WASHC2C: variants seen among roughly 807,000 people sequenced by gnomAD.
WASHC2C encodes Vaccinia Penetration Factor.
WASHC2C carries 73 observed loss-of-function variants against 142.2 expected under a neutral mutation model. The ratio of observed to expected loss-of-function variants is 0.51; its 90% CI spans 0.43 to 0.62. WASHC2C has a LOEUF of 0.62. Ranked by LOEUF, WASHC2C falls within the 20% of genes least tolerant of loss-of-function variation. The pLI is 0.00. For synonymous variants in WASHC2C, 337 were observed against 565.5 expected (o/e 0.60, Z 5.73); for missense variants, 969 against 1,531.7 (o/e 0.63, Z 6.13).
upstream of WASHC2C, chr10:45,727,224 G>A (rs901920677): frequency 2.6e-6 from 4 of 1,511,954 alleles, no homozygotes; most frequent in Non-Finnish European, 3.5e-6. Flanking sequence ...GGCCGGTCAC[G>A]CCCCGGGCAG....
At chr10:45,727,249 G>A, upstream of WASHC2C, 3 of 1,532,668 alleles carry the variant, frequency 2.0e-6, no homozygotes, top group Non-Finnish European at 2.6e-6. Context: ...GCTGGGGCTA[G>A]GCTTCCGGGG....
chr10:45,777,080 C>G (rs2057155334), intron 21 of WASHC2C, among the ~76,000 whole-genome samples, 193 bp from the exon 22 acceptor site: 2 of 151,746 alleles, frequency 1.3e-5, no homozygotes, highest in African/African-American at 4.9e-5. Flanking sequence ...GTGAAGTGTC[C>G]TGTCCACAAG....
At chr10:45,758,752 C>T (rs1300111034) in intron 16 of WASHC2C, among the ~76,000 whole-genome samples, 3 of 151,140 alleles carry the variant, frequency 2.0e-5, no homozygotes, top group East Asian at 2.0e-4. Flanking sequence ...GGACTATATG[C>T]GTGCGCCACC....
rs1476341055 is a variant in WASHC2C, at chr10:45,774,788, A to C, written c.2142+1430A>C. Among the ~76,000 whole-genome samples the C allele has an allele frequency of 2.5e-5, 3 of 118,272 alleles. No individual in the cohort carries two copies. The Admixed American group carries it at 2.6e-4, about 10-fold the overall frequency. The allele number at this position is 118,272 out of a possible 152,430, so 77.6% of individuals were successfully genotyped here. A position where few individuals can be genotyped will look rare whatever the true frequency, so the allele number is the denominator to read the frequency against. ...TGCGTCCCAGAGTGGGCCACACGAGACACAGCATTTATACATTTCTGTTAT... is the reference window on the plus strand; with the variant it reads ...TGCGTCCCAGAGTGGGCCACACGAGCCACAGCATTTATACATTTCTGTTAT... On this transcript the variant is annotated intron_variant, in intron 21 of 30. Transcript: ENST00000623400.
intron 18 of WASHC2C, among the ~76,000 whole-genome samples, chr10:45,763,826 C>G (rs1307014884): frequency 6.6e-6 from 1 of 151,970 alleles, no homozygotes; most frequent in African/African-American, 2.4e-5. Context: ...CTCGACCTCC[C>G]AAGTAGCTGG....
chr10:45,766,069 G>T lies in WASHC2C; in HGVS notation c.1869+259G>T, dbSNP rs1330966667. 3.3e-4 allele frequency among the ~76,000 whole-genome samples: 51 copies of T among 152,284 alleles called. No individual in the cohort carries two copies. In the South Asian group the frequency reaches 8.7e-3, roughly 26 times the overall value. On this transcript the variant is annotated intron_variant, in intron 19 of 30. Transcript: ENST00000623400. ...CCTTCAAATGAGTTAGGCCGGCTAG[G>T]GGGGAAATGATTTCTCAGCCATCGC... is the stretch of plus-strand genomic sequence containing the variant.
Position 45,734,359 on chromosome 10 carries a change from C to CTGTGTGTG in WASHC2C, c.292-3604_292-3597dup, listed in dbSNP as rs139735516. ...TTTAACTTTAACCTTTTCTAGATGACTGTGTGTGTGTGTGTGTGTGTGTGT... is the reference window on the plus strand; with the variant it reads ...TTTAACTTTAACCTTTTCTAGATGACTGTGTGTGTGTGTGTGTGTGTGTGTGTGTGTGT... On this transcript the variant is annotated intron_variant, in intron 3 of 30. Coordinates refer to ENST00000623400, the MANE Select transcript of WASHC2C (RefSeq NM_001330074.2). 3.7e-3 allele frequency among the ~76,000 whole-genome samples: 551 copies of CTGTGTGTG among 148,150 alleles called. 9 individuals carry two copies. In the East Asian group the frequency reaches 0.044, roughly 12 times the overall value.
intron 28 of WASHC2C, 121 bp downstream of exon 28, chr10:45,787,368 C>T: frequency 1.3e-6 from 2 of 1,503,558 alleles, no homozygotes; most frequent in East Asian, 2.4e-5. Flanking sequence ...GGAGGTGCCT[C>T]ATCCTTCCTT....
chr10:45,769,978 C>T (rs1362614679), intron 20 of WASHC2C, among the ~76,000 whole-genome samples: 4 of 152,010 alleles, frequency 2.6e-5, no homozygotes, highest in African/African-American at 4.8e-5. Flanking sequence ...CGTTGGCTCA[C>T]GCCTGTAATC....
intron 20 of WASHC2C, among the ~76,000 whole-genome samples, chr10:45,770,429 G>A (rs200285288): frequency 0.023 from 3,403 of 149,066 alleles, 25 homozygotes; most frequent in East Asian, 0.046. Flanking sequence ...AGCGTGGGCT[G>A]TGGTTGGTAT....
chr10:45,727,615 C>A, intron 2 of WASHC2C, 76 bp downstream of exon 2: 2 of 1,467,514 alleles, frequency 1.4e-6, no homozygotes, highest in East Asian at 2.5e-5. Flanking sequence ...CGGACCGCGA[C>A]TGCCCCTGCA....
At chr10:45,727,360 G>C in intron 1 of WASHC2C, 40 bp downstream of exon 1, 1 of 1,602,682 alleles carries the variant, frequency 6.2e-7, no homozygotes, top group Non-Finnish European at 8.5e-7. Flanking sequence ...CCTGGGCTGG[G>C]GCCGCCGTCC....
At chr10:45,773,887 C>A (rs1589869412) in intron 21 of WASHC2C, among the ~76,000 whole-genome samples, 4 of 67,338 alleles carry the variant, frequency 5.9e-5, no homozygotes, top group African/African-American at 1.2e-4. Context: ...AAACATACTG[C>A]AGGCCAAAAA....
chr10:45,727,270 C>T lies in WASHC2C; in HGVS notation c.-48C>T. ...GCTAGGCTTCCGGGGCTCTGCGGTCCTCGGCCTGTGCTGGCAGCCTCGGAG... is the reference window on the plus strand; with the variant it reads ...GCTAGGCTTCCGGGGCTCTGCGGTCTTCGGCCTGTGCTGGCAGCCTCGGAG... On this transcript the variant is annotated 5_prime_UTR_variant, in exon 1 of 31. Coordinates refer to ENST00000623400, the MANE Select transcript of WASHC2C (RefSeq NM_001330074.2). 2.6e-6 allele frequency: 4 copies of T among 1,544,788 alleles called. No homozygotes were observed. The highest frequency in any genetic ancestry group is 3.5e-6 in the Non-Finnish European group (4 of 1,146,186).
intron 3 of WASHC2C, among the ~76,000 whole-genome samples, chr10:45,737,270 CA>C: frequency 7.5e-6 from 1 of 132,636 alleles, no homozygotes; most frequent in Admixed American, 8.2e-5. Context: ...TGAGCCACCG[CA>C]CCTGGCCTAT....
At chr10:45,790,047 T>C (rs1329773073) in intron 29 of WASHC2C, among the ~76,000 whole-genome samples, 1 of 152,250 alleles carries the variant, frequency 6.6e-6, no homozygotes, top group Non-Finnish European at 1.5e-5. Flanking sequence ...ATAATTAAGA[T>C]GTTTTCAAAT....
At chr10:45,751,722 A>G (rs1296780329) in intron 11 of WASHC2C, among the ~76,000 whole-genome samples, 169 bp downstream of exon 11, 1 of 152,218 alleles carries the variant, frequency 6.6e-6, no homozygotes, top group African/African-American at 2.4e-5. Flanking sequence ...TCACACATGT[A>G]ATCCCAGCGC....
chr10:45,727,628 T>TG (rs1396026402), intron 2 of WASHC2C, 89 bp downstream of exon 2: 1 of 1,403,152 alleles, frequency 7.1e-7, no homozygotes, highest in Non-Finnish European at 9.4e-7. Context: ...CCCCTGCACC[T>TG]GGCCCGTCCC....
At chr10:45,743,017 G>A (rs1176841700) in intron 5 of WASHC2C, among the ~76,000 whole-genome samples, 17 of 151,774 alleles carry the variant, frequency 1.1e-4, no homozygotes, top group African/African-American at 3.6e-4. Flanking sequence ...TAGGATGACA[G>A]TTACCCGCCA....
Sources: allele counts gnomAD v4.1 joint callset (sites outside exome capture counted in the v4.1 genomes callset), GRCh38; gene constraint gnomAD v4.1.1; transcripts MANE v1.5; gene names NCBI Gene and HGNC (gene_info 2026-07-23, HGNC 2026-07-21).